The following SUGCT variants were observed in gnomAD, a reference collection of about 807,000 sequenced individuals.
SUGCT encodes the protein succinyl-CoA:glutarate-CoA transferase.
SUGCT carries 41 observed loss-of-function variants against 55.0 expected under a neutral mutation model. That is an observed-to-expected ratio of 0.74 (90% CI 0.58 to 0.97). The LOEUF (loss-of-function observed/expected upper bound fraction) is 0.97. Ranked by LOEUF, SUGCT falls within the 50% of genes least tolerant of loss-of-function variation. SUGCT has a pLI of 0.00. For synonymous variants in SUGCT, 187 were observed against 200.4 expected (o/e 0.93, Z 0.56); for missense variants, 568 against 547.8 (o/e 1.04, Z -0.37).
At chr7:40,568,908 C>G (rs1796288451) in intron 12 of SUGCT, among the ~76,000 whole-genome samples, 1 of 152,218 alleles carries the variant, frequency 6.6e-6, no homozygotes, top group Admixed American at 6.5e-5. Flanking sequence ...CCTGGCTCTG[C>G]TATTTCCTAG....
At position 40,855,653 on chromosome 7, in the gene SUGCT, T is replaced by C. The variant is rs1271393334; in HGVS notation, c.1154-4663T>C. ...AGAAAAAAGATCTGGATGCCTGGCA[T>C]TGATTTTTCTTTGTTGTTGAGGATG... On this transcript the variant is annotated intron_variant, in intron 13 of 13. Coordinates refer to ENST00000335693, the MANE Select transcript of SUGCT (RefSeq NM_001193313.2). Among the ~76,000 whole-genome samples the C allele has an allele frequency of 2.6e-5, 4 of 152,300 alleles. No individual in the cohort carries two copies. The South Asian group carries it at 6.2e-4, about 24-fold the overall frequency.
At chr7:40,779,961 T>C (rs1353758244) in intron 13 of SUGCT, among the ~76,000 whole-genome samples, 2 of 152,236 alleles carry the variant, frequency 1.3e-5, no homozygotes, top group Admixed American at 6.5e-5. Flanking sequence ...GGTACAGTGC[T>C]GTCGGCAAAC....
intron 12 of SUGCT, among the ~76,000 whole-genome samples, chr7:40,733,426 C>G (rs1197488973): frequency 2.0e-5 from 3 of 152,174 alleles, no homozygotes. Context: ...AAACATGCAT[C>G]TATCTGCCTG....
chr7:40,461,901 T>G (rs1310626919), intron 11 of SUGCT, among the ~76,000 whole-genome samples: 2 of 152,160 alleles, frequency 1.3e-5, no homozygotes, highest in Non-Finnish European at 2.9e-5. Flanking sequence ...GTCAGGCACA[T>G]AGTGAATAGT....
At chr7:41,035,316 C>G in the SUGCT span, among the ~76,000 whole-genome samples, 1 of 152,240 alleles carries the variant, frequency 6.6e-6, no homozygotes, top group South Asian at 2.1e-4. Context: ...CAACCACTTA[C>G]AATAGGGCCC....
intron 9 of SUGCT, among the ~76,000 whole-genome samples, chr7:40,393,319 G>T (rs887569650): frequency 9.2e-5 from 14 of 152,180 alleles, no homozygotes; most frequent in African/African-American, 3.1e-4. Context: ...TAAACATTGT[G>T]CAGTGCTGTG....
intron 13 of SUGCT, among the ~76,000 whole-genome samples, chr7:40,824,245 G>T (rs1019730877): frequency 6.6e-6 from 1 of 151,734 alleles, no homozygotes; most frequent in African/African-American, 2.4e-5. Context: ...ATTAAGGAAA[G>T]AAATTTGTCT....
At chr7:40,592,255 T>TC (rs759751061) in intron 12 of SUGCT, among the ~76,000 whole-genome samples, 8 of 152,170 alleles carry the variant, frequency 5.3e-5, no homozygotes, top group Non-Finnish European at 8.8e-5. Flanking sequence ...TTAACTGAGG[T>TC]CCCATAGGAT....
intron 13 of SUGCT, among the ~76,000 whole-genome samples, chr7:40,855,224 G>T (rs1794110616): frequency 6.7e-6 from 1 of 149,462 alleles, no homozygotes. Flanking sequence ...CTGAAAAAAT[G>T]CTCTCTTCTC....
intron 13 of SUGCT, among the ~76,000 whole-genome samples, chr7:40,811,653 T>C (rs1198444462): frequency 1.3e-5 from 2 of 152,178 alleles, no homozygotes; most frequent in South Asian, 2.1e-4. Context: ...GTTTATCAGT[T>C]TCAGGAGCCT....
chr7:40,528,338 G>C (rs1583903609), intron 12 of SUGCT, among the ~76,000 whole-genome samples: 1 of 152,162 alleles, frequency 6.6e-6, no homozygotes, highest in African/African-American at 2.4e-5. Context: ...TTTGGGAATA[G>C]ATCTGACTTA....
chr7:40,257,494 GAGAA>G (rs1019786330), intron 7 of SUGCT, among the ~76,000 whole-genome samples: 11 of 152,008 alleles, frequency 7.2e-5, no homozygotes, highest in African/African-American at 2.7e-4. Context: ...TAAAAAAAAA[GAGAA>G]AGCTTCTTTT....
rs541689252 is a variant in SUGCT, at chr7:40,755,504, G to A, written c.1153+6007G>A. Among the ~76,000 whole-genome samples, 407 of 152,290 alleles carry A rather than the reference G, an allele frequency of 2.7e-3. 1 individual carries two copies. The highest frequency in any genetic ancestry group is 3.8e-3 in the Non-Finnish European group (260 of 68,024). The stretch of plus-strand genomic sequence containing the variant: ...CTTGCATAAGTTATCACATTCCAAA[G>A]GTTGGCCAATTTCCACCAAGCCATT... On this transcript the variant is annotated intron_variant, in intron 13 of 13. Transcript: ENST00000335693.
chr7:40,233,329 C>T (rs946869940), intron 6 of SUGCT, among the ~76,000 whole-genome samples: 2 of 152,060 alleles, frequency 1.3e-5, no homozygotes, highest in African/African-American at 4.8e-5. Flanking sequence ...AAGCAATTCT[C>T]CTGCCTCAGC....
At chr7:40,921,719 G>C in the SUGCT span, among the ~76,000 whole-genome samples, 2 of 152,134 alleles carry the variant, frequency 1.3e-5, no homozygotes, top group Non-Finnish European at 2.9e-5. Flanking sequence ...CAACCCCCGG[G>C]GGTGGTGGCT....
chr7:40,562,833 C>A (rs1795916964), intron 12 of SUGCT, among the ~76,000 whole-genome samples: 1 of 152,118 alleles, frequency 6.6e-6, no homozygotes, highest in South Asian at 2.1e-4. Context: ...CCACACCATC[C>A]ATTGTTAAGA....
chr7:40,961,868 C>G, the SUGCT span, among the ~76,000 whole-genome samples: 1 of 152,108 alleles, frequency 6.6e-6, no homozygotes, highest in Non-Finnish European at 1.5e-5. Flanking sequence ...TCTCCCTGGC[C>G]TCAGGAGTGA....
intron 10 of SUGCT, among the ~76,000 whole-genome samples, chr7:40,458,642 T>A (rs758128500): frequency 1.3e-5 from 2 of 152,226 alleles, no homozygotes; most frequent in Non-Finnish European, 2.9e-5. Flanking sequence ...ACATATGGTA[T>A]AAATAAGTGA....
intron 12 of SUGCT, among the ~76,000 whole-genome samples, chr7:40,723,283 C>T (rs942909973): frequency 2.0e-5 from 3 of 152,056 alleles, no homozygotes; most frequent in East Asian, 3.9e-4. Flanking sequence ...TTGACTTCTC[C>T]GATTTGAGTT....
Sources: allele counts gnomAD v4.1 joint callset (sites outside exome capture counted in the v4.1 genomes callset), GRCh38; gene constraint gnomAD v4.1.1; transcripts MANE v1.5; gene names NCBI Gene and HGNC (gene_info 2026-07-23, HGNC 2026-07-21).